Variants in FAM124A observed in about 807,000 individuals in gnomAD.
FAM124A encodes protein FAM124A.
In FAM124A, 23 loss-of-function variants were observed where a neutral mutation model predicts 24.5. The ratio of observed to expected loss-of-function variants is 0.94; its 90% CI spans 0.68 to 1.33. FAM124A has a LOEUF of 1.33. FAM124A is among the 40% of genes most tolerant of loss of function. The probability of loss-of-function intolerance (pLI) is 0.00; values close to 1 mark genes in which losing one functional copy is unlikely to be tolerated. For missense variants in FAM124A, 623 were observed against 722.8 expected (o/e 0.86, Z 1.58); for synonymous variants, 287 against 314.7 (o/e 0.91, Z 0.93).
chr13:51,223,119 A>G (rs1398436589), intron 1 of FAM124A, among the ~76,000 whole-genome samples: 1 of 150,756 alleles, frequency 6.6e-6, no homozygotes, highest in Non-Finnish European at 1.5e-5. Flanking sequence ...CTCTAAGTGC[A>G]CCTGTCCCAG....
At chr13:51,267,437 A>G (rs1954799652) in intron 3 of FAM124A, among the ~76,000 whole-genome samples, 1 of 152,234 alleles carries the variant, frequency 6.6e-6, no homozygotes, top group African/African-American at 2.4e-5. Flanking sequence ...AGACCTCAAA[A>G]GAGAAGAATA....
Position 51,272,384 on chromosome 13 carries a change from G to A in FAM124A, c.835-8066G>A, listed in dbSNP as rs991148418. 6.6e-6 allele frequency among the ~76,000 whole-genome samples: 1 copy of A among 152,088 alleles called. No individual in the cohort carries two copies. The highest frequency in any genetic ancestry group is 1.5e-5 in the Non-Finnish European group (1 of 68,018). ...GGCCAAGACTTGATGCTGCAGGCCT[G>A]GGCCCTAAGAAAGGAGCAGGAGGGA... On this transcript the variant is annotated intron_variant, in intron 3 of 3. Transcript: ENST00000322475. This position sits in a 1 kb window ranked among gnomAD's most constrained non-coding sequence, Gnocchi z 4.2.
At chr13:51,236,937 C>G (rs1343272429) in intron 2 of FAM124A, among the ~76,000 whole-genome samples, 7 of 152,154 alleles carry the variant, frequency 4.6e-5, no homozygotes, top group Non-Finnish European at 8.8e-5. Context: ...AGGCAAAACT[C>G]AAATCTGTTT....
intron 3 of FAM124A, among the ~76,000 whole-genome samples, chr13:51,255,088 T>A (rs899042623): frequency 5.9e-5 from 9 of 152,088 alleles, no homozygotes; most frequent in African/African-American, 2.2e-4. Context: ...TCCAAAAAAA[T>A]TGGGCATATG....
At chr13:51,263,438 C>A (rs1269123198) in intron 3 of FAM124A, among the ~76,000 whole-genome samples, 3 of 152,232 alleles carry the variant, frequency 2.0e-5, no homozygotes, top group Non-Finnish European at 2.9e-5. Context: ...CAAGAGCATT[C>A]CACAGCCCTG....
chr13:51,224,474 A>G (rs1593581500), intron 1 of FAM124A, among the ~76,000 whole-genome samples: 1 of 151,942 alleles, frequency 6.6e-6, no homozygotes, highest in Middle Eastern at 3.4e-3. Flanking sequence ...TCCATCTCCA[A>G]AAAAAAAGGA....
At chr13:51,268,767 C>A (rs1037799324) in intron 3 of FAM124A, among the ~76,000 whole-genome samples, 1 of 152,250 alleles carries the variant, frequency 6.6e-6, no homozygotes, top group African/African-American at 2.4e-5. Context: ...AAACCTGCTT[C>A]TCTCTTCAGT....
intron 3 of FAM124A, among the ~76,000 whole-genome samples, chr13:51,266,260 A>G (rs1185765871): frequency 6.6e-6 from 1 of 152,256 alleles, no homozygotes; most frequent in Non-Finnish European, 1.5e-5. Context: ...TAGGTAAAAC[A>G]TAAGACACAC....
chr13:51,259,626 G>A (rs1954713026), intron 3 of FAM124A, among the ~76,000 whole-genome samples: 1 of 152,284 alleles, frequency 6.6e-6, no homozygotes, highest in Admixed American at 6.5e-5. Context: ...TTCCCGCAGT[G>A]AAACGCAGTT....
intron 2 of FAM124A, among the ~76,000 whole-genome samples, chr13:51,246,403 GT>G (rs370215678): frequency 0.14 from 11,778 of 83,326 alleles, 927 homozygotes; most frequent in African/African-American, 0.27. Context: ...TTCTCGTGGG[GT>G]GGGGGGGGGT....
intron 2 of FAM124A, among the ~76,000 whole-genome samples, chr13:51,247,519 C>T (rs1037378446): frequency 2.0e-5 from 3 of 152,226 alleles, no homozygotes; most frequent in Non-Finnish European, 4.4e-5. Flanking sequence ...TACCTGGCCA[C>T]ATGCACACCT....
intron 1 of FAM124A, among the ~76,000 whole-genome samples, chr13:51,230,501 C>T (rs541606983): frequency 1.4e-4 from 21 of 152,272 alleles, no homozygotes; most frequent in African/African-American, 3.6e-4. Flanking sequence ...TAAATCCCTA[C>T]GTGCTAAAGT....
intron 2 of FAM124A, among the ~76,000 whole-genome samples, chr13:51,240,249 CCTT>C (rs1162221932): frequency 6.6e-6 from 1 of 152,356 alleles, no homozygotes; most frequent in East Asian, 1.9e-4. Context: ...AACCTTCTCT[CCTT>C]CTTCCACATT....
At chr13:51,276,267 A>G (rs1954885343) in intron 3 of FAM124A, among the ~76,000 whole-genome samples, 1 of 152,190 alleles carries the variant, frequency 6.6e-6, no homozygotes, top group African/African-American at 2.4e-5. Flanking sequence ...GCTAATTATC[A>G]CTTTGCTGCC....
In FAM124A at chr13:51,222,466, G is replaced by T. The variant is rs1172368294; in HGVS notation, c.-36G>T. The T allele has an allele frequency of 1.7e-6, 2 of 1,203,114 alleles. No individual in the cohort carries two copies. Among genetic ancestry groups the T allele is most frequent in the Admixed American group, 4.5e-5 (1 of 22,442 alleles). 74.5% of individuals were successfully genotyped at this position (1,203,114 alleles called of 1,614,324 possible). Reference sequence around the variant, plus strand: ...GAGGGAGGGCGCCCCGGGTCACGACGGCGCCCGCAAGCCGAGCGCGGCCGG... The same window carrying T: ...GAGGGAGGGCGCCCCGGGTCACGACTGCGCCCGCAAGCCGAGCGCGGCCGG... On this transcript the variant is annotated 5_prime_UTR_variant, in exon 1 of 4. Coordinates refer to ENST00000322475, the MANE Select transcript of FAM124A (RefSeq NM_001242312.2).
In FAM124A at chr13:51,251,689, C is replaced by T. The variant is rs1396271305; in HGVS notation, c.322C>T (p.Gln108Ter). ...QPALAVVLFL[Q>*]EEYGEEQILQ... ...AGCGCTGGCTGTGGTGCTGTTCCTG[C>T]AGGAGGAGTACGGCGAAGAGCAGAT... Residue 108 changes from glutamine to a stop codon, truncating the protein, a stop_gained, in exon 3 of 4, where the codon CAG becomes TAG. Coordinates refer to ENST00000322475, the MANE Select transcript of FAM124A (RefSeq NM_001242312.2). LOFTEE classifies it high-confidence loss of function. The surrounding 1 kb of genome is among the most constrained non-coding windows in gnomAD (Gnocchi z 5.3). 1 of 1,589,896 alleles carries T rather than the reference C, an allele frequency of 6.3e-7. No individual in the cohort carries two copies.
At chr13:51,269,551 G>T (rs866275065) in intron 3 of FAM124A, among the ~76,000 whole-genome samples, 3 of 152,274 alleles carry the variant, frequency 2.0e-5, no homozygotes, top group Middle Eastern at 3.4e-3. Context: ...AGTTACTTAA[G>T]TACTTTAAAG....
intron 2 of FAM124A, among the ~76,000 whole-genome samples, chr13:51,234,962 C>T (rs1954420457): frequency 6.6e-6 from 1 of 152,146 alleles, no homozygotes; most frequent in Non-Finnish European, 1.5e-5. Context: ...TGCTGGGCAT[C>T]GTCCTCTTTT....
rs958542127 is a variant in FAM124A at position 51,246,409 on chromosome 13, G to T, written c.101-5059G>T. Among the ~76,000 whole-genome samples, 6 of 142,432 alleles carry T rather than the reference G, an allele frequency of 4.2e-5. No individual in the cohort carries two copies. In the East Asian group the frequency reaches 8.8e-4, roughly 21 times the overall value. The allele number at this position is 142,432 out of a possible 152,430, so 93.4% of individuals were successfully genotyped here. On this transcript the variant is annotated intron_variant, in intron 2 of 3. Transcript: ENST00000322475. ...GAGGCATGTTTCTCGTGGGGTGGGG[G>T]GGGGTGTAACTCTAACACCTGATGA...
Sources: allele counts gnomAD v4.1 joint callset (sites outside exome capture counted in the v4.1 genomes callset), GRCh38; gene constraint gnomAD v4.1.1; non-coding constraint Gnocchi (gnomAD v3.1); transcripts MANE v1.5; gene names NCBI Gene and HGNC (gene_info 2026-07-23, HGNC 2026-07-21).